PTK2: variants seen among roughly 807,000 people sequenced by gnomAD.
PTK2 encodes the protein protein tyrosine kinase 2, also known as focal adhesion kinase 1.
PTK2 carries 45 observed loss-of-function variants against 150.1 expected under a neutral mutation model. That is an observed-to-expected ratio of 0.30 (90% CI 0.24 to 0.38). The LOEUF (loss-of-function observed/expected upper bound fraction) is 0.38. Among genes scored for constraint, PTK2 ranks in the 10% least tolerant of loss-of-function variants. The pLI is 1.00. For missense variants in PTK2, 919 were observed against 1,307.3 expected (o/e 0.70, Z 4.58); for synonymous variants, 432 against 449.2 (o/e 0.96, Z 0.48).
At chr8:140,824,065 C>G (rs2100110457) in intron 8 of PTK2, among the ~76,000 whole-genome samples, 1 of 152,144 alleles carries the variant, frequency 6.6e-6, no homozygotes, top group Non-Finnish European at 1.5e-5. Flanking sequence ...AGCCATCAAC[C>G]CTTTGCTAAA....
intron 1 of PTK2, among the ~76,000 whole-genome samples, chr8:140,932,930 T>G (rs11167008): frequency 0.42 from 63,262 of 151,470 alleles, 15,130 homozygotes; most frequent in Non-Finnish European, 0.55. Flanking sequence ...CGGCTCACTG[T>G]AACCTCTGCT....
chr8:140,693,104 C>T lies in PTK2; in HGVS notation c.2500-6410G>A, dbSNP rs139458189. On this transcript the variant is annotated intron_variant, in intron 26 of 31. Transcript: ENST00000522684. ...GTTGCAAAGTTACTCTATTTTTAAG[C>T]AATGCCCAATGGGAAAGAAAGCTCT... is the stretch of plus-strand genomic sequence containing the variant. 2.0e-5 allele frequency among the ~76,000 whole-genome samples: 3 copies of T among 151,984 alleles called. No individual in the cohort carries two copies. The East Asian group carries it at 5.8e-4, about 29-fold the overall frequency.
At chr8:140,887,113 G>A (rs569360456) in intron 3 of PTK2, among the ~76,000 whole-genome samples, 8 of 152,190 alleles carry the variant, frequency 5.3e-5, no homozygotes, top group Middle Eastern at 3.2e-3. Context: ...ATACCAGCTT[G>A]TCAGTGCGAT....
intron 26 of PTK2, chr8:140,687,037 C>T (rs1010639174): frequency 1.5e-5 from 4 of 262,586 alleles, no homozygotes; most frequent in African/African-American, 4.5e-5. Flanking sequence ...GCATTACTTG[C>T]GGCTTTCTGA....
chr8:140,695,492 C>T (rs542014938), intron 26 of PTK2, among the ~76,000 whole-genome samples: 10 of 151,514 alleles, frequency 6.6e-5, no homozygotes, highest in Non-Finnish European at 1.5e-4. Flanking sequence ...CTCACTGCAA[C>T]GTCTGCCTCT....
intron 26 of PTK2, among the ~76,000 whole-genome samples, chr8:140,698,098 C>T (rs2100027946): frequency 6.6e-6 from 1 of 152,100 alleles, no homozygotes; most frequent in Non-Finnish European, 1.5e-5. Context: ...TAAGCTTTGG[C>T]TCAAATGCTA....
chr8:141,000,127 C>CACACACACACACACAA (rs58481152), intron 1 of PTK2, among the ~76,000 whole-genome samples: 3 of 123,844 alleles, frequency 2.4e-5, no homozygotes, highest in African/African-American at 5.7e-5. Context: ...ACACACACAC[C>CACACACACACACACAA]CCTTCTTCTA....
At chr8:140,998,128 A>G (rs373091888) in intron 1 of PTK2, among the ~76,000 whole-genome samples, 7 of 152,324 alleles carry the variant, frequency 4.6e-5, no homozygotes, top group East Asian at 1.9e-4. Context: ...AGCAAAAAAG[A>G]AAAATTCACT....
In PTK2 at chr8:140,719,148, C is replaced by G. The variant is rs548561782; in HGVS notation, c.2031-1439G>C. Among the ~76,000 whole-genome samples, 11 of 152,210 alleles carry G rather than the reference C, an allele frequency of 7.2e-5. No homozygotes were observed. The South Asian group carries it at 2.3e-3, about 32-fold the overall frequency. On this transcript the variant is annotated intron_variant, in intron 22 of 31. Coordinates refer to ENST00000522684, the Ensembl canonical transcript of PTK2. ...CTGAGATCACGCCACTGTACTCCAG[C>G]CTGGGCAACAGAATGAGACTCCACC... is the stretch of plus-strand genomic sequence containing the variant.
intron 1 of PTK2, among the ~76,000 whole-genome samples, chr8:140,942,043 C>T (rs1361150601): frequency 2.0e-5 from 3 of 151,980 alleles, no homozygotes; most frequent in African/African-American, 7.3e-5. Context: ...GCATGTGCCA[C>T]CACACCTGGC....
intron 1 of PTK2, among the ~76,000 whole-genome samples, chr8:140,965,831 C>T (rs887730772): frequency 1.3e-5 from 2 of 152,172 alleles, no homozygotes; most frequent in Non-Finnish European, 2.9e-5. Flanking sequence ...GAGCCAAGAA[C>T]GCGCCACTGC....
intron 1 of PTK2, among the ~76,000 whole-genome samples, chr8:140,958,859 C>T (rs140363895): frequency 6.6e-6 from 1 of 152,114 alleles, no homozygotes; most frequent in Non-Finnish European, 1.5e-5. Flanking sequence ...CACCGTTATA[C>T]CAGTTTTATT....
chr8:140,818,333 C>G, exon 10 of PTK2: 2 of 1,613,926 alleles, frequency 1.2e-6, no homozygotes, highest in Non-Finnish European at 8.5e-7. Flanking sequence ...ATTGCCAGTT[C>G]CACTGAAATA....
At chr8:140,950,735 G>A (rs968654153) in intron 1 of PTK2, among the ~76,000 whole-genome samples, 1 of 152,180 alleles carries the variant, frequency 6.6e-6, no homozygotes. Flanking sequence ...AGGTTTTGGG[G>A]AGTCAAAAGT....
chr8:140,807,986 G>C (rs763886930), intron 10 of PTK2, among the ~76,000 whole-genome samples: 19 of 152,156 alleles, frequency 1.2e-4, no homozygotes, highest in Non-Finnish European at 2.4e-4. Context: ...AGGCAGGAAA[G>C]GCCTGGTTGA....
chr8:140,744,089 T>C (rs982492734), intron 19 of PTK2, among the ~76,000 whole-genome samples: 6 of 151,990 alleles, frequency 3.9e-5, no homozygotes, highest in East Asian at 1.9e-4. Context: ...TTTCTTTTTT[T>C]TTTTTTTGGA....
chr8:140,820,080 T>G (rs2100107343), intron 8 of PTK2, among the ~76,000 whole-genome samples: 1 of 35,960 alleles, frequency 2.8e-5, no homozygotes, highest in Non-Finnish European at 5.3e-5. Context: ...ACTTTGGTTT[T>G]TTTTTTTTTT....
At chr8:140,675,406 C>G (rs756152517) in intron 28 of PTK2, 54 bp downstream of exon 31, 1 of 1,577,348 alleles carries the variant, frequency 6.3e-7, no homozygotes, top group Admixed American at 1.7e-5. Flanking sequence ...CATTCAAAAC[C>G]TGCTTTCATC....
intron 1 of PTK2, among the ~76,000 whole-genome samples, chr8:140,999,100 T>A (rs994644318): frequency 6.6e-6 from 1 of 152,218 alleles, no homozygotes; most frequent in Non-Finnish European, 1.5e-5. Flanking sequence ...TAAGGCTTTT[T>A]AAGTCCCATC....
Sources: gnomAD v4.1 joint callset for allele counts (sites outside exome capture counted in the v4.1 genomes callset) on GRCh38, gnomAD v4.1.1 for gene constraint, MANE v1.5 for transcripts, NCBI Gene and HGNC (gene_info 2026-07-23, HGNC 2026-07-21) for gene names.